Variants in RYR2 observed in about 807,000 individuals in gnomAD.
RYR2 encodes the protein ryanodine receptor 2.
Under a neutral mutation model 601.1 loss-of-function variants are expected in RYR2, and 227 were observed. The observed-to-expected ratio is 0.38, with a 90% CI of 0.34 to 0.42. RYR2 has a LOEUF of 0.42. RYR2 is among the 10% of genes least tolerant of loss of function. The probability of loss-of-function intolerance (pLI) is 1.00; values close to 1 mark genes in which losing one functional copy is unlikely to be tolerated. For missense variants in RYR2, 4,646 were observed against 6,156.5 expected (o/e 0.75, Z 8.21); for synonymous variants, 2,223 against 2,175.1 (o/e 1.02, Z -0.61).
chr1:237,801,696 T>C (rs1016188351), intron 97 of RYR2, among the ~76,000 whole-genome samples, 160 bp from the exon 98 acceptor site: 1 of 152,178 alleles, frequency 6.6e-6, no homozygotes, highest in Non-Finnish European at 1.5e-5. Flanking sequence ...AGTGTCAGAG[T>C]TGGCTCTCAG....
chr1:237,114,644 A>C (rs1033936720), intron 1 of RYR2, among the ~76,000 whole-genome samples: 1 of 152,158 alleles, frequency 6.6e-6, no homozygotes, highest in Non-Finnish European at 1.5e-5. Flanking sequence ...ATAGAGCATG[A>C]CTCCACTGAG....
In RYR2 at chr1:237,465,090, GCA is replaced by G. The variant is rs10610645; in HGVS notation, c.1613-3980_1613-3979del. Among the ~76,000 whole-genome samples the G allele has an allele frequency of 4.5e-3, 683 of 150,128 alleles. 6 individuals carry two copies. The highest frequency in any genetic ancestry group is 0.012 in the African/African-American group (504 of 40,884). On this transcript the variant is annotated intron_variant, in intron 16 of 104. Transcript: ENST00000366574. ...GACATGCGCCTACATACACACACAT[GCA>G]CACACACACACACACACACACGCAT...
chr1:237,341,299 A>G (rs1200834854), intron 3 of RYR2, among the ~76,000 whole-genome samples: 6 of 152,180 alleles, frequency 3.9e-5, no homozygotes, highest in African/African-American at 9.7e-5. Context: ...TCTGCAATTT[A>G]TGAGTGACTT....
rs149864224 is a variant in RYR2 at position 237,071,077 on chromosome 1, G to A, written c.48+28508G>A. ...TAGTCCAGCGTCTGGGAAGAATGAGGTATGCAGATAACTGGTGGGTGAGTT... is the reference window on the plus strand; with the variant it reads ...TAGTCCAGCGTCTGGGAAGAATGAGATATGCAGATAACTGGTGGGTGAGTT... On this transcript the variant is annotated intron_variant, in intron 1 of 104. Coordinates refer to ENST00000366574, the MANE Select transcript of RYR2 (RefSeq NM_001035.3). Among the ~76,000 whole-genome samples, 66 of 152,330 alleles carry A rather than the reference G, an allele frequency of 4.3e-4. No individual in the cohort carries two copies. In the South Asian group the frequency reaches 5.4e-3, roughly 12 times the overall value.
At chr1:237,613,824 G>A (rs1678161538) in intron 36 of RYR2, among the ~76,000 whole-genome samples, 2 of 152,230 alleles carry the variant, frequency 1.3e-5, no homozygotes, top group South Asian at 2.1e-4. Flanking sequence ...ATGCTCAACC[G>A]GTAAGTATAA....
At chr1:237,806,315 A>G (rs757632995) in intron 99 of RYR2, 32 bp downstream of exon 99, 7 of 1,578,426 alleles carry the variant, frequency 4.4e-6, no homozygotes, top group African/African-American at 1.4e-5. Context: ...TCCCTTGCAG[A>G]AAATAAAAAA....
intron 15 of RYR2, among the ~76,000 whole-genome samples, chr1:237,455,797 A>G (rs994535869): frequency 1.3e-5 from 2 of 152,184 alleles, no homozygotes; most frequent in Non-Finnish European, 2.9e-5. Context: ...ACATAAACCA[A>G]TAATAACGTG....
intron 100 of RYR2, among the ~76,000 whole-genome samples, chr1:237,813,964 G>A (rs534535527): frequency 2.0e-5 from 3 of 152,248 alleles, no homozygotes; most frequent in South Asian, 4.1e-4. Flanking sequence ...TCACAGTGAC[G>A]GGCTGCTGCC....
intron 1 of RYR2, among the ~76,000 whole-genome samples, chr1:237,061,275 T>TCTATC (rs58939432): frequency 2.5e-5 from 3 of 119,770 alleles, no homozygotes; most frequent in African/African-American, 9.6e-5. Context: ...TATCCATCTA[T>TCTATC]CATCTATCTA....
intron 10 of RYR2, among the ~76,000 whole-genome samples, chr1:237,399,729 C>T (rs975287482): frequency 6.6e-6 from 1 of 151,994 alleles, no homozygotes; most frequent in African/African-American, 2.4e-5. Flanking sequence ...CCATTGGCTA[C>T]TTGTACATAT....
chr1:237,406,371 T>A (rs951279286), intron 10 of RYR2, among the ~76,000 whole-genome samples: 6 of 151,714 alleles, frequency 4.0e-5, no homozygotes, highest in African/African-American at 1.5e-4. Flanking sequence ...CTAAAATATA[T>A]ACCTATGTGT....
chr1:237,319,335 C>T (rs565409066), intron 2 of RYR2, among the ~76,000 whole-genome samples: 1 of 152,280 alleles, frequency 6.6e-6, no homozygotes, highest in African/African-American at 2.4e-5. Context: ...GTTTTCCCCA[C>T]AGAATGGGTT....
intron 34 of RYR2, among the ~76,000 whole-genome samples, chr1:237,599,274 A>G (rs993773836): frequency 6.6e-6 from 1 of 152,204 alleles, no homozygotes; most frequent in Non-Finnish European, 1.5e-5. Flanking sequence ...TGCTAGCCAG[A>G]GAATTTGGCA....
At chr1:237,549,982 G>C (rs970622589) in intron 26 of RYR2, among the ~76,000 whole-genome samples, 1 of 152,226 alleles carries the variant, frequency 6.6e-6, no homozygotes, top group East Asian at 1.9e-4. Context: ...TCGTACAATA[G>C]ACAAGTTATG....
At chr1:237,331,056 G>A (rs1017797887) in intron 3 of RYR2, 74 bp downstream of exon 3, 7 of 1,242,832 alleles carry the variant, frequency 5.6e-6, no homozygotes, top group Non-Finnish European at 8.3e-6. Flanking sequence ...TCTTTCACAG[G>A]TGTCAGAGAT....
chr1:237,409,991 T>G (rs1704283489), intron 10 of RYR2, among the ~76,000 whole-genome samples: 1 of 152,128 alleles, frequency 6.6e-6, no homozygotes, highest in African/African-American at 2.4e-5. Context: ...TGACAAAAAA[T>G]GAAACCAGAA....
At chr1:237,377,634 G>T (rs747593089) in intron 8 of RYR2, among the ~76,000 whole-genome samples, 199 bp downstream of exon 8, 2 of 152,170 alleles carry the variant, frequency 1.3e-5, no homozygotes, top group Non-Finnish European at 2.9e-5. Context: ...TTATCAGGTT[G>T]TTCAGGCAGG....
At chr1:237,121,077 T>C (rs1670723645) in intron 1 of RYR2, 1 of 152,150 alleles carries the variant, frequency 6.6e-6, no homozygotes, top group South Asian at 2.1e-4. Flanking sequence ...TGTACATCTT[T>C]AGTTAGTGAG....
intron 94 of RYR2, among the ~76,000 whole-genome samples, 173 bp downstream of exon 94, chr1:237,792,496 C>G (rs922228625): frequency 6.6e-6 from 1 of 151,596 alleles, no homozygotes; most frequent in Non-Finnish European, 1.5e-5. Context: ...TGAGGGAATG[C>G]TCCATGAATC....
Sources: allele counts gnomAD v4.1 joint callset (sites outside exome capture counted in the v4.1 genomes callset), GRCh38; gene constraint gnomAD v4.1.1; transcripts MANE v1.5; gene names NCBI Gene and HGNC (gene_info 2026-07-23, HGNC 2026-07-21).